SPTLC2: variants seen among roughly 807,000 people sequenced by gnomAD.
SPTLC2 encodes the protein serine palmitoyltransferase long chain base subunit 2, also known as serine palmitoyltransferase 2.
Under a neutral mutation model 62.0 loss-of-function variants are expected in SPTLC2, and 21 were observed. The ratio of observed to expected loss-of-function variants is 0.34; its 90% CI spans 0.24 to 0.49. The LOEUF is 0.49. Among genes scored for constraint, SPTLC2 ranks in the 20% least tolerant of loss-of-function variants. The probability of loss-of-function intolerance (pLI) is 0.99; values close to 1 mark genes in which losing one functional copy is unlikely to be tolerated. For missense variants in SPTLC2, 511 were observed against 713.0 expected (o/e 0.72, Z 3.23); for synonymous variants, 261 against 261.8 (o/e 1.00, Z 0.03).
intron 6 of SPTLC2, among the ~76,000 whole-genome samples, chr14:77,560,330 A>G (rs2079607786): frequency 6.6e-6 from 1 of 152,138 alleles, no homozygotes. Flanking sequence ...GCTTATGCCT[A>G]TAATCCCAGT....
At chr14:77,589,818 A>ACAC (rs1555377324) in intron 2 of SPTLC2, among the ~76,000 whole-genome samples, 3 of 106,456 alleles carry the variant, frequency 2.8e-5, no homozygotes, top group Non-Finnish European at 6.3e-5. Context: ...CACACACACA[A>ACAC]ATACAAAAAA....
rs184469561 is a variant in SPTLC2 at position 77,545,430 on chromosome 14, C to T, written c.1303+6666G>A. 2.8e-3 allele frequency among the ~76,000 whole-genome samples: 422 copies of T among 152,136 alleles called. 1 individual carries two copies. The highest frequency in any genetic ancestry group is 5.2e-3 in the Admixed American group (80 of 15,278). On this transcript the variant is annotated intron_variant, in intron 9 of 11. Coordinates refer to ENST00000216484, the MANE Select transcript of SPTLC2 (RefSeq NM_004863.4). Reference sequence around the variant, plus strand: ...TGCAGGCATGCGCCACCATGCCTGGCTAAATTTTTTTGTATTTCAGTAGAG... The same window carrying T: ...TGCAGGCATGCGCCACCATGCCTGGTTAAATTTTTTTGTATTTCAGTAGAG...
In SPTLC2 at chr14:77,511,951, A is replaced by G; in HGVS notation, c.*333T>C. On this transcript the variant is annotated 3_prime_UTR_variant, in exon 12 of 12. Transcript: ENST00000216484. ...GCCCAAGTCTGCAAGGTGCTGGGAG[A>G]GGGGAATGGCCTGTGTGGTTAGCCA... 2.8e-6 allele frequency: 1 copy of G among 354,580 alleles called. No homozygotes were observed. Among genetic ancestry groups the G allele is most frequent in the Non-Finnish European group, 5.5e-6 (1 of 182,362 alleles). 22.0% of individuals were successfully genotyped at this position (354,580 alleles called of 1,614,324 possible).
At chr14:77,558,826 T>C in intron 6 of SPTLC2, among the ~76,000 whole-genome samples, 1 of 152,074 alleles carries the variant, frequency 6.6e-6, no homozygotes, top group East Asian at 1.9e-4. Context: ...TTCACCATTT[T>C]GGCCAGGCTG....
At chr14:77,540,470 T>C (rs1260371882) in intron 9 of SPTLC2, among the ~76,000 whole-genome samples, 2 of 152,180 alleles carry the variant, frequency 1.3e-5, no homozygotes, top group African/African-American at 4.8e-5. Flanking sequence ...TTTACTTTTA[T>C]TTTTTAATTT....
intron 3 of SPTLC2, among the ~76,000 whole-genome samples, chr14:77,578,330 T>G (rs1244097891): frequency 1.3e-5 from 2 of 151,002 alleles, no homozygotes; most frequent in Non-Finnish European, 2.9e-5. Flanking sequence ...AAAGGATAGC[T>G]TTTCTTTTTT....
intron 1 of SPTLC2, among the ~76,000 whole-genome samples, chr14:77,616,019 C>T (rs1277435622): frequency 2.0e-5 from 3 of 152,198 alleles, no homozygotes; most frequent in Non-Finnish European, 2.9e-5. Flanking sequence ...CTTAAGGACC[C>T]CATGGGTGGT....
At chr14:77,514,589 C>T (rs74995338) in intron 11 of SPTLC2, among the ~76,000 whole-genome samples, 3,035 of 152,246 alleles carry the variant, frequency 0.02, 39 homozygotes, top group Middle Eastern at 0.031. Flanking sequence ...GCCATCCTGC[C>T]GCTCCCCTGA....
chr14:77,616,556 G>A lies in SPTLC2; in HGVS notation c.24C>T (p.Cys8=), dbSNP rs755876922. Residue 8 remains cysteine, a synonymous_variant, in exon 1 of 12, where the codon TGC becomes TGT. Coordinates refer to ENST00000216484, the MANE Select transcript of SPTLC2 (RefSeq NM_004863.4). The part of the protein sequence containing the change: MRPEPGG[C]CCRRTVRANG... ...TCGCCCGCACCGTGCGGCGGCAGCAGCAGCCTCCGGGCTCCGGCCGCATCT... is the reference window on the plus strand; with the variant it reads ...TCGCCCGCACCGTGCGGCGGCAGCAACAGCCTCCGGGCTCCGGCCGCATCT... 2 of 1,537,056 alleles carry A rather than the reference G, an allele frequency of 1.3e-6. No individual in the cohort carries two copies. The highest frequency in any genetic ancestry group is 1.7e-6 in the Non-Finnish European group (2 of 1,147,392).
chr14:77,574,400 T>C (rs142223916), intron 4 of SPTLC2, among the ~76,000 whole-genome samples: 45 of 152,308 alleles, frequency 3.0e-4, no homozygotes, highest in African/African-American at 1.0e-3. Flanking sequence ...GATGGAGAGA[T>C]TGTAAAACAG....
chr14:77,576,972 A>G lies in SPTLC2; in HGVS notation c.483-57T>C, dbSNP rs750328935. 46 of 1,596,498 alleles carry G rather than the reference A, an allele frequency of 2.9e-5. 1 individual carries two copies. The highest frequency in any genetic ancestry group is 3.8e-5 in the Non-Finnish European group (44 of 1,164,898). ...CATGAGCAAAAAAGTACTTACATGT[A>G]ATATTAAATGAACTGGTGACACAAA... On this transcript the variant is annotated intron_variant, in intron 3 of 11. Coordinates refer to ENST00000216484, the MANE Select transcript of SPTLC2 (RefSeq NM_004863.4).
chr14:77,560,985 A>G (rs992786488), intron 6 of SPTLC2, among the ~76,000 whole-genome samples: 10 of 151,238 alleles, frequency 6.6e-5, no homozygotes, highest in Admixed American at 2.0e-4. Flanking sequence ...ATTTACCTAT[A>G]TAACAAACCT....
intron 1 of SPTLC2, among the ~76,000 whole-genome samples, chr14:77,600,682 A>G (rs1040238329): frequency 1.3e-5 from 2 of 152,248 alleles, no homozygotes; most frequent in Non-Finnish European, 2.9e-5. Flanking sequence ...CAAGAATGTG[A>G]CACTATATTA....
At chr14:77,546,922 G>A (rs990238264) in intron 9 of SPTLC2, among the ~76,000 whole-genome samples, 1 of 152,144 alleles carries the variant, frequency 6.6e-6, no homozygotes, top group African/African-American at 2.4e-5. Context: ...TAGAGACAGG[G>A]CTTCTCCATG....
rs1383397757 is a variant in SPTLC2 at position 77,527,554 on chromosome 14, AT to A, written c.1304-5974del. ...AAGGTGTACCAATTGCTTTTCAGTC[AT>A]TTTTAAAAGGAATATTTTATCAAGT... On this transcript the variant is annotated intron_variant, in intron 9 of 11. Transcript: ENST00000216484. Among the ~76,000 whole-genome samples, 4 of 152,228 alleles carry A rather than the reference AT, an allele frequency of 2.6e-5. No individual in the cohort carries two copies. In the South Asian group the frequency reaches 8.3e-4, roughly 32 times the overall value.
intron 1 of SPTLC2, among the ~76,000 whole-genome samples, chr14:77,599,538 A>G (rs2079866094): frequency 6.6e-6 from 1 of 152,228 alleles, no homozygotes; most frequent in South Asian, 2.1e-4. Context: ...GTTGTATGTG[A>G]CAAAGGACAG....
At chr14:77,564,386 T>C (rs1490479273) in intron 5 of SPTLC2, among the ~76,000 whole-genome samples, 2 of 146,082 alleles carry the variant, frequency 1.4e-5, no homozygotes, top group South Asian at 2.2e-4. Flanking sequence ...GGCTTTCAAA[T>C]CTTTATGCAT....
rs747649289 is a variant in SPTLC2 at position 77,555,417 on chromosome 14, G to T, written c.1059C>A (p.Gly353=). Reference sequence around the variant, plus strand: ...ACTCCACCACACCCCGGCCTGTGGGGCCCAGGGCGCCAATGCTGTGAGCCT... The same window carrying T: ...ACTCCACCACACCCCGGCCTGTGGGTCCCAGGGCGCCAATGCTGTGAGCCT... ...LDEAHSIGAL[G]PTGRGVVEYF... The change falls in exon 8 of 12, where the codon GGC becomes GGA. Residue 353 remains glycine (G), a synonymous_variant. Transcript: ENST00000216484. 4 of 1,614,144 alleles carry T rather than the reference G, an allele frequency of 2.5e-6. No individual in the cohort carries two copies. In the South Asian group the frequency reaches 4.4e-5, roughly 18 times the overall value.
At position 77,576,934 on chromosome 14, in the gene SPTLC2, A is replaced by G. The variant is rs1358681102; in HGVS notation, c.483-19T>C. The G allele has an allele frequency of 1.2e-6, 2 of 1,613,950 alleles. No individual in the cohort carries two copies. Among genetic ancestry groups the G allele is most frequent in the Non-Finnish European group, 1.7e-6 (2 of 1,179,994 alleles). On this transcript the variant is annotated intron_variant, in intron 3 of 11. Transcript: ENST00000216484. ...TGTATACCTGTGCATCAATAGCATA[A>G]AACAATGAAACTCATGAGCAAAAAA...
Sources: allele counts gnomAD v4.1 joint callset (sites outside exome capture counted in the v4.1 genomes callset), GRCh38; gene constraint gnomAD v4.1.1; transcripts MANE v1.5; gene names NCBI Gene and HGNC (gene_info 2026-07-23, HGNC 2026-07-21).